NEDD4: variants seen among roughly 807,000 people sequenced by gnomAD.
NEDD4 encodes the protein E3 ubiquitin-protein ligase NEDD4.
A neutral mutation model predicts 144.9 loss-of-function variants in NEDD4; 99 were observed. The observed-to-expected ratio is 0.68, with a 90% CI of 0.58 to 0.81. The LOEUF is 0.81. Among genes scored for constraint, NEDD4 ranks in the 30% least tolerant of loss-of-function variants. The pLI is 0.00. For synonymous variants in NEDD4, 318 were observed against 350.6 expected (o/e 0.91, Z 1.04); for missense variants, 985 against 1,065.9 (o/e 0.92, Z 1.06).
intron 1 of NEDD4, among the ~76,000 whole-genome samples, chr15:55,975,727 A>G (rs1035080377): frequency 1.4e-4 from 22 of 152,326 alleles, no homozygotes; most frequent in African/African-American, 4.8e-4. Context: ...TACAGATTCA[A>G]TGCAACTCCT....
rs143767758 is a variant in NEDD4, at chr15:55,909,677, C to G, written c.291+14969G>C. Among the ~76,000 whole-genome samples the G allele has an allele frequency of 3.9e-5, 6 of 152,318 alleles. No homozygotes were observed. In the East Asian group the frequency reaches 1.2e-3, roughly 29 times the overall value. ...CTTGTCCTGGCTTCTCCTGGTCTGT[C>G]TTGTTTCCCTGTCACCTGTGATGTA... On this transcript the variant is annotated intron_variant, in intron 5 of 28. Transcript: ENST00000435532.
chr15:55,935,929 T>A (rs149393500), intron 4 of NEDD4, among the ~76,000 whole-genome samples: 1 of 151,320 alleles, frequency 6.6e-6, no homozygotes, highest in East Asian at 2.0e-4. Flanking sequence ...GGAACTGCTG[T>A]AAGTATCTGT....
chr15:55,866,682 G>C lies in NEDD4; in HGVS notation c.507+2897C>G, dbSNP rs565968602. On this transcript the variant is annotated intron_variant, in intron 8 of 28. Transcript: ENST00000435532. ...TTAGAGATTTCTCTCTTAAATGTCT[G>C]CTTAATGTATTTATATTATCTGAGT... Among the ~76,000 whole-genome samples the C allele has an allele frequency of 1.4e-3, 211 of 152,180 alleles. 1 individual carries two copies. Among genetic ancestry groups the C allele is most frequent in the African/African-American group, 5.0e-3 (208 of 41,528 alleles).
At chr15:55,970,095 G>T (rs990874888) in intron 1 of NEDD4, among the ~76,000 whole-genome samples, 3 of 152,026 alleles carry the variant, frequency 2.0e-5, no homozygotes, top group Non-Finnish European at 4.4e-5. Context: ...GAGACGTTGG[G>T]CCCTTAATAA....
chr15:55,954,648 C>T (rs999104542), intron 2 of NEDD4, among the ~76,000 whole-genome samples: 2 of 152,094 alleles, frequency 1.3e-5, no homozygotes, highest in Non-Finnish European at 2.9e-5. Context: ...CCTCAGCCTC[C>T]CAAGTAGCTG....
At chr15:55,864,358 CA>C (rs1292693591) in intron 8 of NEDD4, among the ~76,000 whole-genome samples, 2 of 151,672 alleles carry the variant, frequency 1.3e-5, no homozygotes, top group Non-Finnish European at 2.9e-5. Context: ...ATAAATTTGC[CA>C]AGATTCCAAC....
intron 1 of NEDD4, among the ~76,000 whole-genome samples, chr15:55,974,312 C>T (rs1009372970): frequency 8.5e-5 from 13 of 152,124 alleles, no homozygotes; most frequent in Non-Finnish European, 1.6e-4. Flanking sequence ...GACCTGATGG[C>T]TTCACTGCCA....
chr15:55,835,427 T>G (rs1413229119), intron 24 of NEDD4, among the ~76,000 whole-genome samples: 1 of 133,440 alleles, frequency 7.5e-6, no homozygotes, highest in Non-Finnish European at 1.7e-5. Context: ...TCTGTTTTTT[T>G]TTTTTTTTTT....
chr15:55,851,795 T>C (rs2033993197), intron 13 of NEDD4, among the ~76,000 whole-genome samples: 1 of 152,102 alleles, frequency 6.6e-6, no homozygotes, highest in Non-Finnish European at 1.5e-5. Flanking sequence ...ACTTCTTTAA[T>C]AGATCCCAAT....
intron 5 of NEDD4, among the ~76,000 whole-genome samples, chr15:55,894,582 G>A (rs569178048): frequency 3.9e-5 from 6 of 152,244 alleles, no homozygotes; most frequent in African/African-American, 1.4e-4. Flanking sequence ...GGGTGAGGTG[G>A]AAGTCAGGAG....
At chr15:55,940,956 T>A in intron 4 of NEDD4, among the ~76,000 whole-genome samples, 1 of 152,334 alleles carries the variant, frequency 6.6e-6, no homozygotes, top group East Asian at 1.9e-4. Context: ...ATATTTTCTG[T>A]TTCTACTTAT....
At chr15:55,934,959 C>G (rs1365209326) in intron 4 of NEDD4, among the ~76,000 whole-genome samples, 2 of 145,356 alleles carry the variant, frequency 1.4e-5, no homozygotes, top group African/African-American at 5.1e-5. Context: ...ACCTCTGCCT[C>G]CCAGACTCAA....
chr15:55,957,530 T>G (rs1159070869), intron 2 of NEDD4, among the ~76,000 whole-genome samples: 1 of 152,234 alleles, frequency 6.6e-6, no homozygotes, highest in Non-Finnish European at 1.5e-5. Context: ...TTGTGTTTTC[T>G]GCTTTTATTA....
intron 4 of NEDD4, among the ~76,000 whole-genome samples, chr15:55,928,524 T>A (rs1402780637): frequency 1.3e-5 from 2 of 152,142 alleles, no homozygotes; most frequent in Non-Finnish European, 2.9e-5. Context: ...CAAATATGCA[T>A]CTACCCTATA....
chr15:55,895,903 GC>G (rs1475612746), intron 5 of NEDD4, among the ~76,000 whole-genome samples: 13 of 152,180 alleles, frequency 8.5e-5, no homozygotes, highest in African/African-American at 3.1e-4. Flanking sequence ...TTACTAATGT[GC>G]ACTGTGGTAT....
At position 55,852,563 on chromosome 15, in the gene NEDD4, A is replaced by G. The variant is rs1566910718; in HGVS notation, c.1027-20T>C. 2 of 1,611,094 alleles carry G rather than the reference A, an allele frequency of 1.2e-6. No homozygotes were observed. Among genetic ancestry groups the G allele is most frequent in the Non-Finnish European group, 8.5e-7 (1 of 1,178,476 alleles). On this transcript the variant is annotated intron_variant, in intron 12 of 28. Transcript: ENST00000435532. ...CAAAAGCTAAAGTGAAGAATAACAG[A>G]AGAATTAAATACATCAAGTTTAAGA...
intron 4 of NEDD4, among the ~76,000 whole-genome samples, chr15:55,932,014 T>C (rs1396602193): frequency 6.6e-6 from 1 of 152,184 alleles, no homozygotes; most frequent in African/African-American, 2.4e-5. Flanking sequence ...TATATGGTCT[T>C]TTGTAATTGG....
chr15:55,972,941 G>A (rs12438522), intron 1 of NEDD4, among the ~76,000 whole-genome samples: 20,281 of 152,118 alleles, frequency 0.13, 1,472 homozygotes, highest in East Asian at 0.32. Context: ...TACAACAATT[G>A]TAAATACATA....
At chr15:55,932,289 C>A (rs933948292) in intron 4 of NEDD4, among the ~76,000 whole-genome samples, 1 of 152,094 alleles carries the variant, frequency 6.6e-6, no homozygotes, top group East Asian at 1.9e-4. Context: ...ATACAGTAAC[C>A]AAAACAGCAT....
Sources: allele counts gnomAD v4.1 joint callset (sites outside exome capture counted in the v4.1 genomes callset), GRCh38; gene constraint gnomAD v4.1.1; transcripts MANE v1.5; gene names NCBI Gene and HGNC (gene_info 2026-07-23, HGNC 2026-07-21).